The following KCP variants were observed in gnomAD, a reference collection of about 807,000 sequenced individuals.
The protein encoded by KCP is kielin/chordin-like protein.
In KCP, 194 loss-of-function variants were observed where a neutral mutation model predicts 212.7. That is an observed-to-expected ratio of 0.91 (90% CI 0.81 to 1.03). The LOEUF is 1.03. Ranked by LOEUF, KCP falls within the 50% of genes least tolerant of loss-of-function variation. The pLI, the probability that KCP is intolerant of heterozygous loss-of-function variation, is 0.00. For synonymous variants in KCP, 833 were observed against 865.3 expected (o/e 0.96, Z 0.65); for missense variants, 2,080 against 2,162.5 (o/e 0.96, Z 0.76).
intron 11 of KCP, 122 bp downstream of exon 11, chr7:128,893,684 G>T: frequency 8.9e-7 from 1 of 1,121,194 alleles, no homozygotes. Context: ...AAGGTGTGGT[G>T]AGGACTCACT....
chr7:128,904,314 G>T (rs541236843), intron 5 of KCP, 176 bp from the exon 6 acceptor site: 3 of 1,552,134 alleles, frequency 1.9e-6, no homozygotes, highest in African/African-American at 2.7e-5. Context: ...CACTCCCCAG[G>T]TGGGGTGCAG....
Position 128,892,898 on chromosome 7 carries a change from G to T in KCP, c.1391C>A (p.Ala464Asp). The change falls in exon 14 of 40, where the codon GCC (alanine) becomes GAC (aspartate). Residue 464 changes from alanine (A) to aspartate (D), a missense_variant. Coordinates refer to ENST00000610776, the MANE Select transcript of KCP (RefSeq NM_001366122.1). The part of the protein sequence containing the change: ...PKCGAVLCPP[A>D]PCQHPTQPPG... ...GGGCTGGGTGGGGTGCTGGCAGGGG[G>T]CTGGGGGGCAGAGCACAGCCCCGCA... is the stretch of plus-strand genomic sequence containing the variant. 1 of 1,546,888 alleles carries T rather than the reference G, an allele frequency of 6.5e-7. No homozygotes were observed. Among genetic ancestry groups the T allele is most frequent in the Non-Finnish European group, 8.7e-7 (1 of 1,143,232 alleles).
chr7:128,903,931 G>A (rs1794990337), intron 6 of KCP, 111 bp from the exon 7 acceptor site: 9 of 1,356,218 alleles, frequency 6.6e-6, no homozygotes, highest in Non-Finnish European at 9.3e-6. Flanking sequence ...GATGGAGGGA[G>A]AACCTAGCTG....
At position 128,892,895 on chromosome 7, in the gene KCP, G is replaced by A. The variant is rs989126898; in HGVS notation, c.1394C>T (p.Pro465Leu). 1.3e-6 allele frequency: 2 copies of A among 1,547,144 alleles called. No individual in the cohort carries two copies. The highest frequency in any genetic ancestry group is 2.7e-5 in the African/African-American group (2 of 72,958). Residue 465 changes from proline (P) to leucine (L), a missense_variant, in exon 14 of 40, where the codon CCC becomes CTC. Pro to Leu is a moderately conservative substitution (Grantham distance 98). Coordinates refer to ENST00000610776, the MANE Select transcript of KCP (RefSeq NM_001366122.1). The part of the protein sequence containing the change: ...KCGAVLCPPA[P>L]CQHPTQPPGA... ...AGGGGGCTGGGTGGGGTGCTGGCAG[G>A]GGGCTGGGGGGCAGAGCACAGCCCC...
chr7:128,890,725 G>A lies in KCP; in HGVS notation c.2164+180C>T, dbSNP rs955358940. 2.0e-5 allele frequency among the ~76,000 whole-genome samples: 3 copies of A among 151,424 alleles called. No homozygotes were observed. The South Asian group carries it at 6.3e-4, about 32-fold the overall frequency. On this transcript the variant is annotated intron_variant, in intron 20 of 39. Transcript: ENST00000610776. ...TGGGTGTCGTGGGGGGCTGGGGGCC[G>A]TGGGGGATGGAGGGCCGTGCCGGCT... is the stretch of plus-strand genomic sequence containing the variant.
At position 128,880,325 on chromosome 7, in the gene KCP, G is replaced by T. The variant is rs1050555432; in HGVS notation, c.3759+61C>A. On this transcript the variant is annotated intron_variant, in intron 34 of 39. Transcript: ENST00000610776. ...CCTCTCTGATGCCTGGTCACACCAG[G>T]ATGGCGGTACCATGTGCCCCCACCC... The T allele has an allele frequency of 2.0e-5, 30 of 1,466,458 alleles. No individual in the cohort carries two copies. The African/African-American group carries it at 3.9e-4, about 19-fold the overall frequency. 90.8% of individuals were successfully genotyped at this position (1,466,458 alleles called of 1,614,324 possible). A position where few individuals can be genotyped will look rare whatever the true frequency, so the allele number is the denominator to read the frequency against.
chr7:128,908,502 T>G lies in KCP; in HGVS notation c.143A>C (p.Asn48Thr), dbSNP rs1484882826. The change falls in exon 2 of 40, where the codon AAC (asparagine) becomes ACC (threonine). Residue 48 changes from asparagine to threonine, a missense_variant. By Grantham distance (65) the Asn-to-Thr change is moderately conservative. Transcript: ENST00000610776. Reference protein sequence around the residue: ...TTAHSSVLAGNSQEQWHPLRE... With the variant: ...TTAHSSVLAGTSQEQWHPLRE... ...CAGGGGGTGCCACTGCTCCTGGGAGTTCCCAGCAAGGACTGAGGAATGGGC... is the reference window on the plus strand; with the variant it reads ...CAGGGGGTGCCACTGCTCCTGGGAGGTCCCAGCAAGGACTGAGGAATGGGC... The G allele has an allele frequency of 2.6e-6, 4 of 1,551,408 alleles. No homozygotes were observed. Among genetic ancestry groups the G allele is most frequent in the Non-Finnish European group, 3.5e-6 (4 of 1,146,894 alleles).
rs1422617960 is a variant in KCP, at chr7:128,893,233, C to A, written c.1267+5G>T. ...AGCAGCTGCTCCTCCCCCTCTCACA[C>A]ACACCTGGGCAGAGCTGGCGGCCAG... On this transcript the variant is annotated splice_donor_5th_base_variant and intron_variant, in intron 13 of 39. Transcript: ENST00000610776. 1.9e-6 allele frequency: 3 copies of A among 1,550,778 alleles called. No homozygotes were observed. Among genetic ancestry groups the A allele is most frequent in the Non-Finnish European group, 2.6e-6 (3 of 1,146,858 alleles).
In KCP at chr7:128,894,028, C is replaced by G. The variant is rs750277714; in HGVS notation, c.953G>C (p.Arg318Pro). ...DGCFLNGREH[R>P]SGEPVGSGDP... The stretch of plus-strand genomic sequence containing the variant: ...CCCTGAGCCCACAGGCTCCCCGCTG[C>G]GGTGCTCCCGCCCGTTTAGGAAACA... Residue 318 changes from arginine to proline, a missense_variant, in exon 10 of 40, where the codon CGC becomes CCC. Coordinates refer to ENST00000610776, the MANE Select transcript of KCP (RefSeq NM_001366122.1). 6.5e-6 allele frequency: 10 copies of G among 1,549,988 alleles called. No homozygotes were observed. In the South Asian group the frequency reaches 1.2e-4, roughly 18 times the overall value.
chr7:128,901,987 G>A (rs1025640285), intron 8 of KCP, among the ~76,000 whole-genome samples: 1 of 152,204 alleles, frequency 6.6e-6, no homozygotes, highest in African/African-American at 2.4e-5. Flanking sequence ...CCATGAAGAT[G>A]TTCTAGATCT....
At position 128,878,620 on chromosome 7, in the gene KCP, C is replaced by G; in HGVS notation, c.4249G>C (p.Asp1417His). 2 of 1,551,528 alleles carry G rather than the reference C, an allele frequency of 1.3e-6. No individual in the cohort carries two copies. Among genetic ancestry groups the G allele is most frequent in the Non-Finnish European group, 1.7e-6 (2 of 1,146,990 alleles). Residue 1417 changes from aspartate to histidine, a missense_variant, in exon 38 of 40, where the codon GAT becomes CAT. Transcript: ENST00000610776. ...CGNFNGFAQD[D>H]LQGPEGLLLP... ...AGCAGCCCCTCAGGGCCCTGCAGAT[C>G]GTCCTGGGCAAAGCCATTGAAGTTC...
chr7:128,880,356 C>CG, intron 34 of KCP, 30 bp downstream of exon 34: 1 of 1,494,972 alleles, frequency 6.7e-7, no homozygotes, highest in Non-Finnish European at 9.0e-7. Context: ...CACCCTGACC[C>CG]TCCCCACCAT....
At chr7:128,900,134 A>C (rs73461527) in intron 8 of KCP, among the ~76,000 whole-genome samples, 2,888 of 152,338 alleles carry the variant, frequency 0.019, 90 homozygotes, top group African/African-American at 0.064. Flanking sequence ...AGTTCCATCA[A>C]AGCCAATTTC....
rs930121428 is a variant in KCP at position 128,890,772 on chromosome 7, G to A, written c.2164+133C>T. On this transcript the variant is annotated intron_variant, in intron 20 of 39. Transcript: ENST00000610776. ...GGCTGGCTCCCAGGCCATGCTGACCGGACACTACATTCCTAACAAGATCCC... is the reference window on the plus strand; with the variant it reads ...GGCTGGCTCCCAGGCCATGCTGACCAGACACTACATTCCTAACAAGATCCC... The A allele has an allele frequency of 4.4e-6, 4 of 906,436 alleles. No homozygotes were observed. The Admixed American group carries it at 8.8e-5, about 20-fold the overall frequency. The allele number at this position is 906,436 out of a possible 1,614,324, so 56.1% of individuals were successfully genotyped here.
At position 128,891,488 on chromosome 7, in the gene KCP, G is replaced by A. The variant is rs1208007187; in HGVS notation, c.1841C>T (p.Pro614Leu). The A allele has an allele frequency of 1.9e-6, 3 of 1,550,372 alleles. No homozygotes were observed. The highest frequency in any genetic ancestry group is 2.7e-5 in the African/African-American group (2 of 73,160). Residue 614 changes from proline to leucine, a missense_variant, in exon 18 of 40, where the codon CCC becomes CTC. Physicochemically the swap from Pro to Leu is moderately conservative, Grantham distance 98. Coordinates refer to ENST00000610776, the MANE Select transcript of KCP (RefSeq NM_001366122.1). ...CAGACGGCAGGGGTCAGAGGGGTGG[G>A]GGAAGTCCGCTCCGCTGGGGTACTC... ...GKEYPSGADFPHPSDPCRLCR... is the reference protein window; with the variant it reads ...GKEYPSGADFLHPSDPCRLCR...
intron 1 of KCP, 60 bp downstream of exon 1, chr7:128,910,541 G>A: frequency 7.0e-7 from 1 of 1,434,456 alleles, no homozygotes; most frequent in South Asian, 1.3e-5. Flanking sequence ...CTCAGGCCGG[G>A]CTGATAGGAG....
chr7:128,902,655 T>G (rs946069276), intron 8 of KCP, 122 bp downstream of exon 8: 66 of 885,418 alleles, frequency 7.5e-5, no homozygotes, highest in Non-Finnish European at 1.1e-4. Context: ...AGACAGCGCC[T>G]AGGTCTTCTC....
intron 29 of KCP, 62 bp downstream of exon 29, chr7:128,883,940 G>T: frequency 6.7e-7 from 1 of 1,503,258 alleles, no homozygotes; most frequent in African/African-American, 1.4e-5. Flanking sequence ...TGGTGAGGAA[G>T]GGCGGCAGGG....
rs1009928082 is a variant in KCP at position 128,884,845 on chromosome 7, C to G, written c.3059G>C (p.Arg1020Pro). The G allele has an allele frequency of 3.2e-6, 5 of 1,550,862 alleles. No homozygotes were observed. The highest frequency in any genetic ancestry group is 4.4e-6 in the Non-Finnish European group (5 of 1,146,992). The change falls in exon 28 of 40, where the codon CGG (arginine) becomes CCG (proline). Residue 1020 changes from arginine to proline, a missense_variant. Arg to Pro is a moderately radical substitution (Grantham distance 103). Transcript: ENST00000610776. Reference protein sequence around the residue: ...PQCSDCEHEGRKYEPGESFQP... With the variant: ...PQCSDCEHEGPKYEPGESFQP... ...GAAGCTCTCCCCAGGCTCGTACTTC[C>G]GGCCCTCATGCTCACAGTCTTTGGG...
Sources: gnomAD v4.1 joint callset for allele counts (sites outside exome capture counted in the v4.1 genomes callset) on GRCh38, gnomAD v4.1.1 for gene constraint, MANE v1.5 for transcripts, NCBI Gene and HGNC (gene_info 2026-07-23, HGNC 2026-07-21) for gene names.